EYS: variants seen among roughly 807,000 people sequenced by gnomAD.
The protein encoded by EYS is EGF-like photoreceptor maintenance factor.
A neutral mutation model predicts 282.1 loss-of-function variants in EYS; 250 were observed. The ratio of observed to expected loss-of-function variants is 0.89; its 90% CI spans 0.80 to 0.98. The LOEUF (loss-of-function observed/expected upper bound fraction) is 0.98. Ranked by LOEUF, EYS falls within the 50% of genes least tolerant of loss-of-function variation. EYS has a pLI of 0.00. For missense variants in EYS, 4,016 were observed against 3,709.0 expected, an observed-to-expected ratio of 1.08 and a Z score of -2.15; for synonymous variants, 1,355 against 1,282.9, an observed-to-expected ratio of 1.06 and a Z score of -1.20.
intron 12 of EYS, among the ~76,000 whole-genome samples, chr6:65,103,310 C>A (rs1449321614): frequency 6.6e-6 from 1 of 151,462 alleles, no homozygotes; most frequent in African/African-American, 2.4e-5. Context: ...AATAAATTAT[C>A]TGGTGAGAAG....
rs535306332 is a variant in EYS, at chr6:64,552,665, A to G, written c.5644+37558T>C. ...CAAGGTGGCTCACACCTGTAGTCCC[A>G]GGACTTTGGGAGGCCGAAGCTGACA... On this transcript the variant is annotated intron_variant, in intron 26 of 42. Coordinates refer to ENST00000503581, the MANE Select transcript of EYS (RefSeq NM_001142800.2). Among the ~76,000 whole-genome samples, 46 of 152,234 alleles carry G rather than the reference A, an allele frequency of 3.0e-4. 1 individual carries two copies. The highest frequency in any genetic ancestry group is 1.1e-3 in the African/African-American group (44 of 41,562).
chr6:65,560,841 A>T (rs1351071492), intron 2 of EYS, among the ~76,000 whole-genome samples: 1 of 152,102 alleles, frequency 6.6e-6, no homozygotes, highest in African/African-American at 2.4e-5. Context: ...TTCTATGGGT[A>T]CATCCATGTC....
At chr6:65,386,295 C>T (rs1247533287) in intron 7 of EYS, among the ~76,000 whole-genome samples, 1 of 151,758 alleles carries the variant, frequency 6.6e-6, no homozygotes, top group East Asian at 1.9e-4. Context: ...AGGCGGAGGA[C>T]TAATGTGTAC....
intron 9 of EYS, among the ~76,000 whole-genome samples, chr6:65,350,554 C>T (rs1324666809): frequency 6.6e-6 from 1 of 151,592 alleles, no homozygotes; most frequent in Non-Finnish European, 1.5e-5. Context: ...TAACGACATG[C>T]TTCAAGAAGA....
Position 64,741,731 on chromosome 6 carries a change from A to G in EYS, c.3443+71647T>C, listed in dbSNP as rs1435172137. ...AAATGGCTTTTTTAAAAAATTAAAC[A>G]TTATGAAGCAACCACTGCTGGCTTC... On this transcript the variant is annotated intron_variant, in intron 22 of 42. Coordinates refer to ENST00000503581, the MANE Select transcript of EYS (RefSeq NM_001142800.2). Among the ~76,000 whole-genome samples, 4 of 152,212 alleles carry G rather than the reference A, an allele frequency of 2.6e-5. No homozygotes were observed. In the South Asian group the frequency reaches 6.2e-4, roughly 24 times the overall value.
intron 12 of EYS, among the ~76,000 whole-genome samples, chr6:65,290,404 T>C (rs1391108074): frequency 2.0e-5 from 3 of 151,132 alleles, no homozygotes; most frequent in Non-Finnish European, 3.0e-5. Context: ...TATGACTATA[T>C]TTTTTTCTCA....
At chr6:64,833,318 A>G (rs1242703153) in intron 19 of EYS, among the ~76,000 whole-genome samples, 6 of 151,926 alleles carry the variant, frequency 3.9e-5, no homozygotes, top group Non-Finnish European at 5.9e-5. Context: ...CTAGGAAAAC[A>G]TTTTAATTAT....
chr6:64,392,388 C>T (rs555330891), intron 28 of EYS, among the ~76,000 whole-genome samples: 3 of 150,194 alleles, frequency 2.0e-5, no homozygotes, highest in South Asian at 2.1e-4. Context: ...TAAAGCTCTC[C>T]TCAGCAAATG....
At chr6:65,390,978 T>C (rs1165676807) in intron 7 of EYS, among the ~76,000 whole-genome samples, 1 of 152,104 alleles carries the variant, frequency 6.6e-6, no homozygotes, top group Non-Finnish European at 1.5e-5. Flanking sequence ...AGTGGAAGAA[T>C]ACTGGATATT....
intron 2 of EYS, among the ~76,000 whole-genome samples, chr6:65,581,055 T>A (rs1764849960): frequency 6.6e-6 from 1 of 152,154 alleles, no homozygotes; most frequent in African/African-American, 2.4e-5. Flanking sequence ...TTTCTCATAA[T>A]GGATCTCTTA....
chr6:64,791,782 T>C (rs2150000795), intron 22 of EYS, among the ~76,000 whole-genome samples: 1 of 152,054 alleles, frequency 6.6e-6, no homozygotes, highest in South Asian at 2.1e-4. Flanking sequence ...GGAAAAATTA[T>C]GCTATGTCTC....
chr6:65,121,333 G>T (rs1045708106), intron 12 of EYS, among the ~76,000 whole-genome samples: 1 of 152,126 alleles, frequency 6.6e-6, no homozygotes, highest in African/African-American at 2.4e-5. Flanking sequence ...CAAAGGAAGA[G>T]AACAAATGGG....
chr6:63,784,887 A>C (rs1167526830), intron 39 of EYS, among the ~76,000 whole-genome samples: 3 of 152,176 alleles, frequency 2.0e-5, no homozygotes. Context: ...TAGGGTTATG[A>C]TGTGTCAGTT....
chr6:64,066,969 C>T (rs797022534), intron 32 of EYS, among the ~76,000 whole-genome samples: 29 of 152,126 alleles, frequency 1.9e-4, no homozygotes, highest in African/African-American at 6.3e-4. Context: ...AAGGAATATG[C>T]ATCTTCTATC....
At chr6:63,943,003 A>C (rs79993640) in intron 35 of EYS, among the ~76,000 whole-genome samples, 199 of 152,340 alleles carry the variant, frequency 1.3e-3, no homozygotes, top group African/African-American at 4.7e-3. Context: ...AATACAGTAT[A>C]TAATGTATAT....
chr6:63,963,546 A>T (rs1582041305), intron 35 of EYS, among the ~76,000 whole-genome samples: 1 of 152,192 alleles, frequency 6.6e-6, no homozygotes, highest in Non-Finnish European at 1.5e-5. Context: ...CTCCTGGCGC[A>T]GCTTGCTCAC....
At chr6:64,159,076 C>T (rs1452795119) in intron 31 of EYS, among the ~76,000 whole-genome samples, 1 of 152,126 alleles carries the variant, frequency 6.6e-6, no homozygotes, top group Non-Finnish European at 1.5e-5. Context: ...GAGATTAGCT[C>T]CCAAATCCCC....
At chr6:64,972,521 T>C (rs1770330572) in intron 14 of EYS, among the ~76,000 whole-genome samples, 1 of 151,972 alleles carries the variant, frequency 6.6e-6, no homozygotes. Flanking sequence ...TCCCTCCTCT[T>C]CCTCACTCTA....
intron 2 of EYS, among the ~76,000 whole-genome samples, chr6:65,571,053 AAT>A (rs1219721620): frequency 6.6e-6 from 1 of 152,010 alleles, no homozygotes; most frequent in Non-Finnish European, 1.5e-5. Context: ...GGGGCGGGAG[AAT>A]ATATATTACA....
Sources: gnomAD v4.1 joint callset for allele counts (sites outside exome capture counted in the v4.1 genomes callset) on GRCh38, gnomAD v4.1.1 for gene constraint, MANE v1.5 for transcripts, NCBI Gene and HGNC (gene_info 2026-07-23, HGNC 2026-07-21) for gene names.